Variants in FBLN7 observed in about 807,000 individuals in gnomAD.
The protein encoded by FBLN7 is fibulin 7, also known as fibulin-7.
FBLN7 carries 31 observed loss-of-function variants against 44.0 expected under a neutral mutation model. The observed-to-expected ratio is 0.70, with a 90% confidence interval of 0.53 to 0.95. The LOEUF (loss-of-function observed/expected upper bound fraction) is 0.95. FBLN7 is among the 40% of genes least tolerant of loss of function. FBLN7 has a pLI of 0.00. For missense variants in FBLN7, 573 were observed against 618.5 expected, an observed-to-expected ratio of 0.93 and a Z score of 0.78; for synonymous variants, 262 against 253.4, an observed-to-expected ratio of 1.03 and a Z score of -0.32.
the FBLN7 span, among the ~76,000 whole-genome samples, chr2:112,227,193 T>C: frequency 5.9e-5 from 9 of 152,312 alleles, no homozygotes; most frequent in Non-Finnish European, 1.0e-4. Flanking sequence ...GCCAGTGAAA[T>C]CAGGCACAAA....
At chr2:112,172,409 A>G (rs369963733) in intron 3 of FBLN7, among the ~76,000 whole-genome samples, 2 of 152,312 alleles carry the variant, frequency 1.3e-5, no homozygotes, top group African/African-American at 4.8e-5. Flanking sequence ...CATTGGATAT[A>G]AAACACCTAT....
the FBLN7 span, among the ~76,000 whole-genome samples, chr2:112,198,218 C>T: frequency 1.3e-5 from 2 of 152,192 alleles, no homozygotes; most frequent in South Asian, 4.1e-4. Flanking sequence ...TATGTCTCCC[C>T]CAACCACCTA....
In FBLN7 at chr2:112,185,349, T is replaced by C; in HGVS notation, c.947+10T>C. The C allele has an allele frequency of 6.2e-7, 1 of 1,609,752 alleles. No homozygotes were observed. Among genetic ancestry groups the C allele is most frequent in the Non-Finnish European group, 8.5e-7 (1 of 1,176,636 alleles). ...TGAAGACGTCTCCATTGTGAGTATC[T>C]CCAGGGGAGGCACACCCTCACCCAG... On this transcript the variant is annotated intron_variant, in intron 7 of 7. Coordinates refer to ENST00000331203, the MANE Select transcript of FBLN7 (RefSeq NM_153214.3).
chr2:112,179,890 G>A (rs563027669), intron 4 of FBLN7, among the ~76,000 whole-genome samples: 28 of 152,262 alleles, frequency 1.8e-4, no homozygotes, highest in Middle Eastern at 3.4e-3. Context: ...AAAAACCCTG[G>A]AAGACAACGT....
intron 7 of FBLN7, among the ~76,000 whole-genome samples, chr2:112,186,442 C>T (rs531437439): frequency 6.6e-6 from 1 of 152,196 alleles, no homozygotes; most frequent in Admixed American, 6.5e-5. Flanking sequence ...GAGTTCGAGA[C>T]CAGCCTGGCC....
chr2:112,154,278 C>T (rs189693513), intron 1 of FBLN7, among the ~76,000 whole-genome samples: 2 of 152,244 alleles, frequency 1.3e-5, no homozygotes, highest in Admixed American at 6.5e-5. Flanking sequence ...AGTTGGGCCA[C>T]GACTGGTTTT....
intron 7 of FBLN7, 122 bp downstream of exon 7, chr2:112,185,461 C>G: frequency 7.6e-7 from 1 of 1,315,462 alleles, no homozygotes; most frequent in Non-Finnish European, 1.0e-6. Context: ...AGGCAGGAGG[C>G]TGGGAGGCTG....
At chr2:112,238,903 C>CTTT in the FBLN7 span, among the ~76,000 whole-genome samples, 1 of 152,176 alleles carries the variant, frequency 6.6e-6, no homozygotes, top group Non-Finnish European at 1.5e-5. Context: ...TCTGCCTTTG[C>CTTT]ATTGACAGTA....
At chr2:112,169,504 A>G (rs1558886110) in intron 3 of FBLN7, among the ~76,000 whole-genome samples, 1 of 152,218 alleles carries the variant, frequency 6.6e-6, no homozygotes, top group Non-Finnish European at 1.5e-5. Flanking sequence ...GTAACCAAAG[A>G]AACGAATTTG....
the FBLN7 span, among the ~76,000 whole-genome samples, chr2:112,199,707 A>T: frequency 6.6e-6 from 1 of 152,210 alleles, no homozygotes; most frequent in South Asian, 2.1e-4. Context: ...TGGAAAATTA[A>T]TCCCTCTGCC....
chr2:112,219,798 T>C, the FBLN7 span, among the ~76,000 whole-genome samples: 1 of 152,274 alleles, frequency 6.6e-6, no homozygotes, highest in South Asian at 2.1e-4. Context: ...TGGTCAAGTA[T>C]AGAGTTCAGG....
At chr2:112,140,412 T>A (rs548104420) in intron 1 of FBLN7, among the ~76,000 whole-genome samples, 2 of 152,136 alleles carry the variant, frequency 1.3e-5, no homozygotes, top group Admixed American at 6.5e-5. Flanking sequence ...CTTGCCACTT[T>A]CCACTCGGAT....
At chr2:112,235,945 A>G in the FBLN7 span, among the ~76,000 whole-genome samples, 1 of 150,824 alleles carries the variant, frequency 6.6e-6, no homozygotes, top group African/African-American at 2.4e-5. Flanking sequence ...CTAAAAAAAA[A>G]AAAAAAAAAA....
In FBLN7 at chr2:112,159,667, T is replaced by G. The variant is rs1681621738; in HGVS notation, c.76-9T>G. 2 of 1,516,686 alleles carry G rather than the reference T, an allele frequency of 1.3e-6. No individual in the cohort carries two copies. The highest frequency in any genetic ancestry group is 3.5e-4 in the Middle Eastern group (2 of 5,720). 94.0% of individuals were successfully genotyped at this position (1,516,686 alleles called of 1,614,324 possible). A position where few individuals can be genotyped will look rare whatever the true frequency, so the allele number is the denominator to read the frequency against. On this transcript the variant is annotated splice_polypyrimidine_tract_variant and intron_variant, in intron 1 of 7. Transcript: ENST00000331203. The stretch of plus-strand genomic sequence containing the variant: ...AATGGGTGGTGGCGGCGATGTCTTC[T>G]CTCCGCAGAACTGTCTCAGCAAACA...
the FBLN7 span, among the ~76,000 whole-genome samples, chr2:112,224,884 A>G: frequency 1.3e-5 from 2 of 152,156 alleles, no homozygotes; most frequent in Non-Finnish European, 2.9e-5. Flanking sequence ...TGTCCTATTT[A>G]TTGATTGTGG....
the FBLN7 span, among the ~76,000 whole-genome samples, chr2:112,201,500 C>CAAAT: frequency 4.6e-5 from 7 of 152,232 alleles, no homozygotes; most frequent in Non-Finnish European, 1.0e-4. Flanking sequence ...TTTGAAAAGT[C>CAAAT]AAGGGCATTT....
At chr2:112,194,968 G>A in the FBLN7 span, among the ~76,000 whole-genome samples, 1 of 152,190 alleles carries the variant, frequency 6.6e-6, no homozygotes. Flanking sequence ...GGTTCACCAA[G>A]GTCAGAAGTT....
At chr2:112,227,128 A>T in the FBLN7 span, among the ~76,000 whole-genome samples, 72 of 152,364 alleles carry the variant, frequency 4.7e-4, 1 homozygote, top group Non-Finnish European at 7.2e-4. Context: ...AAATATCAGG[A>T]CAAAGGCAAC....
At chr2:112,206,254 T>A in the FBLN7 span, among the ~76,000 whole-genome samples, 1 of 152,224 alleles carries the variant, frequency 6.6e-6, no homozygotes, top group East Asian at 1.9e-4. Flanking sequence ...TTTTTTGTCA[T>A]CTCTCTTTTG....
Sources: allele counts gnomAD v4.1 joint callset (sites outside exome capture counted in the v4.1 genomes callset), GRCh38; gene constraint gnomAD v4.1.1; transcripts MANE v1.5; gene names NCBI Gene and HGNC (gene_info 2026-07-23, HGNC 2026-07-21).